The following SYN3 variants were observed in gnomAD, a reference collection of about 807,000 sequenced individuals.
SYN3 encodes synapsin-3.
Under a neutral mutation model 65.8 loss-of-function variants are expected in SYN3, and 35 were observed. The observed-to-expected ratio is 0.53, with a 90% CI of 0.41 to 0.70. SYN3 has a LOEUF of 0.70. Ranked by LOEUF, SYN3 falls within the 30% of genes least tolerant of loss-of-function variation. The pLI, the probability that SYN3 is intolerant of heterozygous loss-of-function variation, is 0.00. For synonymous variants in SYN3, 270 were observed against 292.9 expected (o/e 0.92, Z 0.80); for missense variants, 680 against 749.0 (o/e 0.91, Z 1.08).
At chr22:32,828,196 G>A (rs1227085786) in intron 6 of SYN3, among the ~76,000 whole-genome samples, 1 of 152,234 alleles carries the variant, frequency 6.6e-6, no homozygotes, top group South Asian at 2.1e-4. Context: ...CAAGTGAAGT[G>A]TCTTGCCCTG....
chr22:32,566,234 T>G (rs1164493513), intron 7 of SYN3, among the ~76,000 whole-genome samples: 1 of 152,210 alleles, frequency 6.6e-6, no homozygotes, highest in Non-Finnish European at 1.5e-5. Context: ...ATGTTCTCTT[T>G]TTTGTAACTC....
rs144446528 is a variant in SYN3, at chr22:32,917,161, A to C, written c.461+14229T>G. On this transcript the variant is annotated intron_variant, in intron 4 of 13. Coordinates refer to ENST00000358763, the MANE Select transcript of SYN3 (RefSeq NM_003490.4). ...AAAAGAGGCATTATTTCCATTTTAC[A>C]GTTAAGGAACCTGGGAGTCAGAGGT... Among the ~76,000 whole-genome samples, 10 of 152,318 alleles carry C rather than the reference A, an allele frequency of 6.6e-5. No individual in the cohort carries two copies. In the East Asian group the frequency reaches 1.9e-3, roughly 29 times the overall value.
At chr22:32,999,544 G>A (rs1054066371) in intron 2 of SYN3, among the ~76,000 whole-genome samples, 9 of 152,110 alleles carry the variant, frequency 5.9e-5, no homozygotes, top group Non-Finnish European at 8.8e-5. Context: ...TTAGCTGGGC[G>A]TGGTGGCCTG....
chr22:32,790,519 G>T (rs2145876537), intron 6 of SYN3, among the ~76,000 whole-genome samples: 1 of 152,048 alleles, frequency 6.6e-6, no homozygotes, highest in South Asian at 2.1e-4. Context: ...TCCACCTCCT[G>T]GGTTCAAGCA....
Position 32,757,349 on chromosome 22 carries a change from G to A in SYN3, c.711+107566C>T, listed in dbSNP as rs1186189393. Among the ~76,000 whole-genome samples, 3 of 146,982 alleles carry A rather than the reference G, an allele frequency of 2.0e-5. No individual in the cohort carries two copies. The East Asian group carries it at 6.0e-4, about 30-fold the overall frequency. ...TTTTGCTCTTCTTGCCCAGGCTGGA[G>A]TGCAATGGCGCAATCTCGGCTCACC... is the stretch of plus-strand genomic sequence containing the variant. On this transcript the variant is annotated intron_variant, in intron 6 of 13. Transcript: ENST00000358763.
In SYN3 at chr22:32,602,739, C is replaced by T. The variant is rs541082360; in HGVS notation, c.712-6003G>A. ...CCTCCCAAAGTGCTGAGATTACAGG[C>T]GTCAGCTACCGCGCCCAGCCAATCC... On this transcript the variant is annotated intron_variant, in intron 6 of 13. Coordinates refer to ENST00000358763, the MANE Select transcript of SYN3 (RefSeq NM_003490.4). Among the ~76,000 whole-genome samples the T allele has an allele frequency of 5.3e-5, 8 of 152,306 alleles. No individual in the cohort carries two copies. The East Asian group carries it at 5.8e-4, about 11-fold the overall frequency.
At position 32,841,982 on chromosome 22, in the gene SYN3, C is replaced by T. The variant is rs73885116; in HGVS notation, c.711+22933G>A. ...ATAGCAGGACCACGAGCCTGCACCT[C>T]GATGACCGGACTGAGCACCAAGAAG... On this transcript the variant is annotated intron_variant, in intron 6 of 13. Coordinates refer to ENST00000358763, the MANE Select transcript of SYN3 (RefSeq NM_003490.4). Among the ~76,000 whole-genome samples, 1,359 of 152,246 alleles carry T rather than the reference C, an allele frequency of 8.9e-3. 20 individuals are homozygous for T. Among genetic ancestry groups the T allele is most frequent in the African/African-American group, 0.031 (1,304 of 41,544 alleles).
intron 6 of SYN3, chr22:32,857,875 G>C (rs2146288588): frequency 7.9e-7 from 1 of 1,261,908 alleles, no homozygotes; most frequent in Middle Eastern, 1.9e-4. Flanking sequence ...AAAGGTGTTG[G>C]GTAGGGTGAA....
chr22:32,948,050 T>G (rs2051166371), intron 3 of SYN3, among the ~76,000 whole-genome samples: 1 of 152,198 alleles, frequency 6.6e-6, no homozygotes. Flanking sequence ...CTTATGACGT[T>G]GTACTCCCAT....
At chr22:32,867,162 T>G (rs528087980) in intron 5 of SYN3, among the ~76,000 whole-genome samples, 5 of 152,164 alleles carry the variant, frequency 3.3e-5, no homozygotes, top group East Asian at 1.9e-4. Flanking sequence ...CACAGAGAGA[T>G]AGCAAAACAC....
chr22:32,897,203 G>A (rs1054214951), intron 4 of SYN3, among the ~76,000 whole-genome samples: 5 of 152,166 alleles, frequency 3.3e-5, no homozygotes, highest in Non-Finnish European at 5.9e-5. Flanking sequence ...GCGCCCATGG[G>A]TGTAAGATAA....
chr22:32,913,837 G>A (rs1041071300), intron 4 of SYN3, among the ~76,000 whole-genome samples: 1 of 152,206 alleles, frequency 6.6e-6, no homozygotes, highest in African/African-American at 2.4e-5. Flanking sequence ...AGGTCTCACT[G>A]TTTATTGGCA....
intron 6 of SYN3, among the ~76,000 whole-genome samples, chr22:32,734,901 C>T (rs183180045): frequency 6.6e-6 from 1 of 152,324 alleles, no homozygotes; most frequent in East Asian, 1.9e-4. Context: ...CAGTCTTCGG[C>T]ATCCATTCTA....
chr22:32,915,542 C>T (rs186509753), intron 4 of SYN3, among the ~76,000 whole-genome samples: 135 of 152,152 alleles, frequency 8.9e-4, no homozygotes, highest in Middle Eastern at 3.4e-3. Flanking sequence ...TGAGCAAGGC[C>T]GAAATGTAGT....
At chr22:32,551,606 A>G (rs2146300711) in intron 7 of SYN3, among the ~76,000 whole-genome samples, 1 of 152,236 alleles carries the variant, frequency 6.6e-6, no homozygotes, top group Non-Finnish European at 1.5e-5. Flanking sequence ...AATATGAAGG[A>G]CTTGTCTGCA....
At chr22:32,900,370 T>G (rs1461546968) in intron 4 of SYN3, among the ~76,000 whole-genome samples, 1 of 152,224 alleles carries the variant, frequency 6.6e-6, no homozygotes, top group Admixed American at 6.5e-5. Flanking sequence ...ACTGCAAAGT[T>G]CCGGGCAAAT....
intron 3 of SYN3, among the ~76,000 whole-genome samples, chr22:32,974,516 G>A (rs769025825): frequency 4.6e-5 from 7 of 152,152 alleles, no homozygotes; most frequent in Non-Finnish European, 8.8e-5. Context: ...TTCCTTAAAC[G>A]AATCCTCTTT....
chr22:33,047,655 G>T (rs1051882156), intron 1 of SYN3, among the ~76,000 whole-genome samples: 1 of 151,896 alleles, frequency 6.6e-6, no homozygotes, highest in Admixed American at 6.6e-5. Flanking sequence ...CTATCCAGAA[G>T]TGCCACTAAT....
At chr22:32,887,509 T>A (rs1234113881) in intron 4 of SYN3, among the ~76,000 whole-genome samples, 1 of 152,204 alleles carries the variant, frequency 6.6e-6, no homozygotes, top group Non-Finnish European at 1.5e-5. Flanking sequence ...GTGGTTCCAT[T>A]GCCAGTTGAG....
Sources: gnomAD v4.1 joint callset for allele counts (sites outside exome capture counted in the v4.1 genomes callset) on GRCh38, gnomAD v4.1.1 for gene constraint, MANE v1.5 for transcripts, NCBI Gene and HGNC (gene_info 2026-07-23, HGNC 2026-07-21) for gene names.